GPC6: variants seen among roughly 807,000 people sequenced by gnomAD.
GPC6 encodes glypican 6, also known as glypican-6.
In GPC6, 14 loss-of-function variants were observed where a neutral mutation model predicts 55.2. The observed-to-expected ratio is 0.25, with a 90% CI of 0.17 to 0.40. The LOEUF (loss-of-function observed/expected upper bound fraction) is 0.40. GPC6 is among the 10% of genes least tolerant of loss of function. GPC6 has a pLI of 1.00. For missense variants in GPC6, 641 were observed against 708.5 expected, an observed-to-expected ratio of 0.90 and a Z score of 1.08; for synonymous variants, 278 against 259.6, an observed-to-expected ratio of 1.07 and a Z score of -0.68.
At chr13:93,653,898 A>G (rs1027883264) in intron 2 of GPC6, among the ~76,000 whole-genome samples, 24 of 152,200 alleles carry the variant, frequency 1.6e-4, no homozygotes, top group African/African-American at 5.5e-4. Context: ...ATTGTGAGAC[A>G]GTTCTCTAGT....
chr13:93,814,904 GA>G (rs1223924905), intron 2 of GPC6, among the ~76,000 whole-genome samples: 1 of 152,108 alleles, frequency 6.6e-6, no homozygotes, highest in East Asian at 1.9e-4. Context: ...ACAGAGGGGA[GA>G]GATGGGCACA....
intron 2 of GPC6, among the ~76,000 whole-genome samples, chr13:93,697,294 T>C (rs1479945689): frequency 6.6e-6 from 1 of 152,154 alleles, no homozygotes; most frequent in Non-Finnish European, 1.5e-5. Flanking sequence ...CTAGAGTGCC[T>C]TTTTATGGCT....
chr13:93,796,984 C>A (rs1886215175), intron 2 of GPC6, among the ~76,000 whole-genome samples: 1 of 152,202 alleles, frequency 6.6e-6, no homozygotes, highest in Non-Finnish European at 1.5e-5. Flanking sequence ...ATTGTGAATA[C>A]CTGCTGAATT....
chr13:93,466,391 T>G (rs1310172997), intron 1 of GPC6, among the ~76,000 whole-genome samples: 1 of 152,226 alleles, frequency 6.6e-6, no homozygotes, highest in Admixed American at 6.5e-5. Context: ...TCTTCTCAGC[T>G]GTTATGTAAG....
At chr13:93,673,407 G>A (rs548030841) in intron 2 of GPC6, among the ~76,000 whole-genome samples, 1 of 152,170 alleles carries the variant, frequency 6.6e-6, no homozygotes, top group East Asian at 1.9e-4. Context: ...CAACATTTTG[G>A]GAGGCCAAGG....
chr13:93,507,429 TC>T (rs1880779330), intron 1 of GPC6, among the ~76,000 whole-genome samples: 1 of 151,942 alleles, frequency 6.6e-6, no homozygotes, highest in Non-Finnish European at 1.5e-5. Flanking sequence ...ACTCCTCCCT[TC>T]CCCCAAATCT....
At chr13:94,337,234 G>A (rs1877754438) in intron 6 of GPC6, among the ~76,000 whole-genome samples, 1 of 152,140 alleles carries the variant, frequency 6.6e-6, no homozygotes, top group Non-Finnish European at 1.5e-5. Flanking sequence ...TGACTCATTG[G>A]CAGGGATTTT....
At chr13:93,983,548 ACAT>A (rs1252293688) in intron 3 of GPC6, among the ~76,000 whole-genome samples, 1 of 152,020 alleles carries the variant, frequency 6.6e-6, no homozygotes, top group African/African-American at 2.4e-5. Flanking sequence ...CAATCCTCCC[ACAT>A]CATCCTCTTG....
intron 2 of GPC6, among the ~76,000 whole-genome samples, chr13:93,673,244 G>T (rs1208834305): frequency 6.6e-6 from 1 of 152,150 alleles, no homozygotes; most frequent in African/African-American, 2.4e-5. Flanking sequence ...ATGGCAAAAT[G>T]CAAGGAGAGT....
intron 1 of GPC6, among the ~76,000 whole-genome samples, chr13:93,423,561 A>G (rs989529462): frequency 1.3e-5 from 2 of 152,162 alleles, no homozygotes; most frequent in Non-Finnish European, 2.9e-5. Context: ...AGTTGTTTTC[A>G]GATCTGTTTA....
chr13:93,870,042 A>C lies in GPC6; in HGVS notation c.711+39497A>C, dbSNP rs1335361755. Among the ~76,000 whole-genome samples, 6 of 151,842 alleles carry C rather than the reference A, an allele frequency of 4.0e-5. No individual in the cohort carries two copies. The East Asian group carries it at 1.2e-3, about 30-fold the overall frequency. ...CACTTATATGATGTTTCTCAAGATA[A>C]AAGTGTTTGGAAGATTCAGGATTTG... is the stretch of plus-strand genomic sequence containing the variant. On this transcript the variant is annotated intron_variant, in intron 3 of 8. Coordinates refer to ENST00000377047, the MANE Select transcript of GPC6 (RefSeq NM_005708.5).
chr13:94,137,741 A>G (rs959970155), intron 4 of GPC6, among the ~76,000 whole-genome samples: 1 of 152,190 alleles, frequency 6.6e-6, no homozygotes, highest in African/African-American at 2.4e-5. Flanking sequence ...AGAAATGGCT[A>G]CTTTGGCAAA....
chr13:93,597,912 G>A (rs748937449), intron 2 of GPC6, among the ~76,000 whole-genome samples: 11 of 152,056 alleles, frequency 7.2e-5, no homozygotes, highest in South Asian at 2.1e-4. Context: ...TTGGGAGGCC[G>A]AGGCAGGCGG....
chr13:93,633,658 A>G (rs1029770816), intron 2 of GPC6, among the ~76,000 whole-genome samples: 10 of 151,162 alleles, frequency 6.6e-5, no homozygotes, highest in African/African-American at 1.2e-4. Flanking sequence ...AAATAAATAA[A>G]TAAATAAATA....
intron 4 of GPC6, among the ~76,000 whole-genome samples, chr13:94,064,536 A>G (rs1321452689): frequency 6.6e-6 from 1 of 152,112 alleles, no homozygotes; most frequent in African/African-American, 2.4e-5. Context: ...CTTAACAGGG[A>G]AACTTGTTCA....
chr13:93,778,327 A>G (rs545834970), intron 2 of GPC6, among the ~76,000 whole-genome samples: 20 of 152,218 alleles, frequency 1.3e-4, no homozygotes, highest in African/African-American at 4.6e-4. Flanking sequence ...TACTGTTGGT[A>G]CCAAAACGAA....
intron 4 of GPC6, among the ~76,000 whole-genome samples, chr13:94,062,730 T>A (rs1037230626): frequency 1.3e-5 from 2 of 152,204 alleles, no homozygotes; most frequent in Non-Finnish European, 2.9e-5. Context: ...GTAAATCATA[T>A]GAAAAACTGG....
intron 1 of GPC6, among the ~76,000 whole-genome samples, chr13:93,429,645 C>G (rs936214152): frequency 1.3e-5 from 2 of 152,092 alleles, no homozygotes; most frequent in African/African-American, 4.8e-5. Flanking sequence ...AAATGAGGGT[C>G]TCAATTGCTG....
At chr13:94,037,921 C>T (rs2138735101) in intron 4 of GPC6, among the ~76,000 whole-genome samples, 1 of 152,066 alleles carries the variant, frequency 6.6e-6, no homozygotes, top group Non-Finnish European at 1.5e-5. Flanking sequence ...TGGTTGAATG[C>T]TTGACATATG....
Sources: allele counts gnomAD v4.1 joint callset (sites outside exome capture counted in the v4.1 genomes callset), GRCh38; gene constraint gnomAD v4.1.1; transcripts MANE v1.5; gene names NCBI Gene and HGNC (gene_info 2026-07-23, HGNC 2026-07-21).